ADGRB3: variants seen among roughly 807,000 people sequenced by gnomAD.
The protein encoded by ADGRB3 is adhesion G protein-coupled receptor B3.
A neutral mutation model predicts 193.4 loss-of-function variants in ADGRB3; 37 were observed. The ratio of observed to expected loss-of-function variants is 0.19; its 90% CI spans 0.15 to 0.25. ADGRB3 has a LOEUF of 0.25. Among genes scored for constraint, ADGRB3 ranks in the 10% least tolerant of loss-of-function variants. The probability of loss-of-function intolerance (pLI) is 1.00; values close to 1 mark genes in which losing one functional copy is unlikely to be tolerated. For synonymous variants in ADGRB3, 690 were observed against 644.2 expected, an observed-to-expected ratio of 1.07 and a Z score of -1.08; for missense variants, 1,637 against 1,852.9, an observed-to-expected ratio of 0.88 and a Z score of 2.14.
At chr6:68,952,582 G>T (rs191266651) in intron 6 of ADGRB3, among the ~76,000 whole-genome samples, 5 of 151,762 alleles carry the variant, frequency 3.3e-5, no homozygotes, top group Non-Finnish European at 7.4e-5. Flanking sequence ...ACACCAACAT[G>T]GCACACATAT....
intron 28 of ADGRB3, among the ~76,000 whole-genome samples, chr6:69,356,550 T>C (rs1769341390): frequency 6.6e-6 from 1 of 152,012 alleles, no homozygotes; most frequent in African/African-American, 2.4e-5. Flanking sequence ...AAACTAAGAA[T>C]GGTTCATTGG....
chr6:69,099,605 T>A (rs1450983833), intron 17 of ADGRB3, among the ~76,000 whole-genome samples: 4 of 152,238 alleles, frequency 2.6e-5, no homozygotes, highest in Non-Finnish European at 5.9e-5. Flanking sequence ...TGCTCCTCAA[T>A]GTGCTTCACT....
chr6:69,079,023 A>G (rs1222596360), intron 17 of ADGRB3, among the ~76,000 whole-genome samples: 1 of 152,090 alleles, frequency 6.6e-6, no homozygotes, highest in Non-Finnish European at 1.5e-5. Context: ...AAATATTTCT[A>G]GCAATTATTA....
intron 13 of ADGRB3, among the ~76,000 whole-genome samples, chr6:69,022,803 C>A (rs1161015591): frequency 6.6e-6 from 1 of 151,934 alleles, no homozygotes; most frequent in Non-Finnish European, 1.5e-5. Flanking sequence ...TGAGGTCCAG[C>A]TGTTTGCAGT....
chr6:69,286,037 G>A (rs1360420404), intron 20 of ADGRB3, among the ~76,000 whole-genome samples: 1 of 152,022 alleles, frequency 6.6e-6, no homozygotes, highest in Non-Finnish European at 1.5e-5. Context: ...TGAAACTTGG[G>A]CCTTCTAGTT....
At chr6:69,215,401 T>C (rs1430459025) in intron 17 of ADGRB3, among the ~76,000 whole-genome samples, 12 of 152,124 alleles carry the variant, frequency 7.9e-5, no homozygotes, top group African/African-American at 2.4e-4. Context: ...TTTTCTTTTT[T>C]TCTTAGTTGT....
intron 30 of ADGRB3, among the ~76,000 whole-genome samples, chr6:69,380,494 A>G (rs1488619153): frequency 6.6e-6 from 1 of 151,970 alleles, no homozygotes; most frequent in African/African-American, 2.4e-5. Context: ...TGTACTTGAA[A>G]AGGAAAGATC....
At chr6:69,363,022 G>A (rs540704639) in intron 29 of ADGRB3, among the ~76,000 whole-genome samples, 1 of 152,100 alleles carries the variant, frequency 6.6e-6, no homozygotes, top group South Asian at 2.1e-4. Context: ...GGAACTGCAT[G>A]AAAATATTTT....
chr6:68,953,487 A>G lies in ADGRB3; in HGVS notation c.1196-2537A>G, dbSNP rs868331197. On this transcript the variant is annotated intron_variant, in intron 6 of 31. Coordinates refer to ENST00000370598, the MANE Select transcript of ADGRB3 (RefSeq NM_001704.3). ...TGGTGAGGCTTCATACTGCAAGCTC[A>G]ATAAATGTTATCTTTGAATAGAAAA... Among the ~76,000 whole-genome samples the G allele has an allele frequency of 5.1e-4, 77 of 152,334 alleles. 2 individuals are homozygous for G. The highest frequency in any genetic ancestry group is 3.4e-3 in the Middle Eastern group (1 of 294).
At chr6:69,296,734 C>T (rs1018881989) in intron 20 of ADGRB3, among the ~76,000 whole-genome samples, 1 of 152,044 alleles carries the variant, frequency 6.6e-6, no homozygotes, top group Non-Finnish European at 1.5e-5. Context: ...TATCCTCATA[C>T]CATGTCTATG....
chr6:68,776,972 A>T (rs931824408), intron 3 of ADGRB3, among the ~76,000 whole-genome samples: 6 of 152,304 alleles, frequency 3.9e-5, no homozygotes, highest in Non-Finnish European at 8.8e-5. Context: ...GGGTTAGGAA[A>T]AATGTATAAA....
At position 69,018,517 on chromosome 6, in the gene ADGRB3, C is replaced by T; in HGVS notation, c.2107+18C>T. 5 of 1,534,006 alleles carry T rather than the reference C, an allele frequency of 3.3e-6. No homozygotes were observed. Among genetic ancestry groups the T allele is most frequent in the Non-Finnish European group, 4.5e-6 (5 of 1,116,526 alleles). On this transcript the variant is annotated intron_variant, in intron 13 of 31. Coordinates refer to ENST00000370598, the MANE Select transcript of ADGRB3 (RefSeq NM_001704.3). ...AAATGTAGGTAAGAAATAGGATTTT[C>T]CCCCAAAATCTTTCTGAAATAAAAA...
chr6:68,891,715 T>C (rs1311437438), intron 3 of ADGRB3, among the ~76,000 whole-genome samples: 1 of 152,176 alleles, frequency 6.6e-6, no homozygotes, highest in African/African-American at 2.4e-5. Context: ...ACCTTCATAA[T>C]AGCTCTATGA....
At chr6:68,918,568 T>C (rs1420195593) in intron 3 of ADGRB3, among the ~76,000 whole-genome samples, 2 of 152,200 alleles carry the variant, frequency 1.3e-5, no homozygotes, top group Non-Finnish European at 2.9e-5. Context: ...TTTAATTTAG[T>C]ATAAATTTTT....
intron 15 of ADGRB3, among the ~76,000 whole-genome samples, chr6:69,059,928 G>A (rs1369455603): frequency 1.3e-5 from 2 of 152,010 alleles, no homozygotes; most frequent in African/African-American, 2.4e-5. Context: ...GTATTAAAAT[G>A]TTCCAAAGAA....
intron 3 of ADGRB3, among the ~76,000 whole-genome samples, chr6:68,680,316 A>G (rs1764871030): frequency 6.6e-6 from 1 of 152,196 alleles, no homozygotes; most frequent in African/African-American, 2.4e-5. Flanking sequence ...ACAGAAAAAA[A>G]AAGAAGAAAG....
chr6:69,097,422 T>A (rs1012508474), intron 17 of ADGRB3, among the ~76,000 whole-genome samples: 3 of 152,192 alleles, frequency 2.0e-5, no homozygotes, highest in Admixed American at 1.3e-4. Context: ...CTTTGAGGAT[T>A]ACAATTCCTC....
intron 17 of ADGRB3, among the ~76,000 whole-genome samples, chr6:69,167,850 G>T (rs1306876078): frequency 2.0e-5 from 3 of 152,054 alleles, no homozygotes; most frequent in Non-Finnish European, 2.9e-5. Flanking sequence ...TAGTGTAGGG[G>T]ACAAGGGGAC....
chr6:68,722,636 A>G (rs1765604245), intron 3 of ADGRB3, among the ~76,000 whole-genome samples: 1 of 150,262 alleles, frequency 6.7e-6, no homozygotes, highest in South Asian at 2.1e-4. Context: ...CTATCAGGTT[A>G]CTTCTTTTTC....
Sources: gnomAD v4.1 joint callset for allele counts (sites outside exome capture counted in the v4.1 genomes callset) on GRCh38, gnomAD v4.1.1 for gene constraint, MANE v1.5 for transcripts, NCBI Gene and HGNC (gene_info 2026-07-23, HGNC 2026-07-21) for gene names.